FBXO25: variants seen among roughly 807,000 people sequenced by gnomAD.
FBXO25 encodes F-box only protein 25.
A neutral mutation model predicts 51.9 loss-of-function variants in FBXO25; 45 were observed. That is an observed-to-expected ratio of 0.87 (90% CI 0.68 to 1.11). The LOEUF is 1.11. Among genes scored for constraint, FBXO25 ranks in the 50% most tolerant of loss-of-function variants. The pLI, the probability that FBXO25 is intolerant of heterozygous loss-of-function variation, is 0.00. For missense variants in FBXO25, 507 were observed against 428.5 expected (o/e 1.18, Z -1.62); for synonymous variants, 199 against 151.0 (o/e 1.32, Z -2.33).
At chr8:435,758 A>G in intron 5 of FBXO25, 51 bp downstream of exon 5, 10 of 1,555,772 alleles carry the variant, frequency 6.4e-6, no homozygotes, top group Non-Finnish European at 8.7e-6. Context: ...GAACAACTAT[A>G]TTTTGAAGAT....
intron 5 of FBXO25, among the ~76,000 whole-genome samples, chr8:439,151 A>G (rs571669753): frequency 6.6e-6 from 1 of 152,216 alleles, no homozygotes; most frequent in Admixed American, 6.5e-5. Flanking sequence ...CTGATCCTAT[A>G]GGTTAATGTG....
intron 2 of FBXO25, among the ~76,000 whole-genome samples, chr8:428,030 A>G (rs561780149): frequency 6.6e-6 from 1 of 152,350 alleles, no homozygotes; most frequent in East Asian, 1.9e-4. Flanking sequence ...ATTATAGGTC[A>G]TCACTAAAAT....
Position 474,355 on chromosome 8 carries a change from G to A in FBXO25, c.*5551G>A, listed in dbSNP as rs1800580455. On this transcript the variant is annotated 3_prime_UTR_variant, in exon 10 of 10. Coordinates refer to ENST00000350302, the MANE Select transcript of FBXO25 (RefSeq NM_183420.2). ...GTACTCATCTGTTGAGGACACTTGA[G>A]TTGCTTCCACCTTTTAGCTATTGTG... The A allele has an allele frequency of 4.0e-6, 1 of 253,146 alleles. No individual in the cohort carries two copies. The highest frequency in any genetic ancestry group is 7.6e-6 in the Non-Finnish European group (1 of 131,264). The allele number at this position is 253,146 out of a possible 1,614,324, so 15.7% of individuals were successfully genotyped here. A position where few individuals can be genotyped will look rare whatever the true frequency, so the allele number is the denominator to read the frequency against.
At position 475,478 on chromosome 8, in the gene FBXO25, T is replaced by C. The variant is rs1472875325; in HGVS notation, c.*6674T>C. The stretch of plus-strand genomic sequence containing the variant: ...TGGAAAAAAAAAAGCCACTGGGATA[T>C]TCTGATAGAGATTGCATGAAATCTA... On this transcript the variant is annotated 3_prime_UTR_variant, in exon 10 of 10. Coordinates refer to ENST00000350302, the MANE Select transcript of FBXO25 (RefSeq NM_183420.2). 1.3e-5 allele frequency: 2 copies of C among 153,508 alleles called. No homozygotes were observed. Among genetic ancestry groups the C allele is most frequent in the African/African-American group, 2.4e-5 (1 of 41,444 alleles). The allele number at this position is 153,508 out of a possible 1,614,324, so 9.5% of individuals were successfully genotyped here.
rs889074639 is a variant in FBXO25, at chr8:477,959, A to G, written c.*9155A>G. 2.0e-5 allele frequency: 3 copies of G among 152,220 alleles called. No individual in the cohort carries two copies. Among genetic ancestry groups the G allele is most frequent in the Non-Finnish European group, 2.9e-5 (2 of 68,032 alleles). The allele number at this position is 152,220 out of a possible 1,614,324, so 9.4% of individuals were successfully genotyped here. A position where few individuals can be genotyped will look rare whatever the true frequency, so the allele number is the denominator to read the frequency against. Reference sequence around the variant, plus strand: ...TTTGACATTTTCCATTAAAAGTTATATAACACTACTTTTTTGTACTCGTTA... The same window carrying G: ...TTTGACATTTTCCATTAAAAGTTATGTAACACTACTTTTTTGTACTCGTTA... On this transcript the variant is annotated 3_prime_UTR_variant, in exon 10 of 10. Coordinates refer to ENST00000350302, the MANE Select transcript of FBXO25 (RefSeq NM_183420.2).
In FBXO25 at chr8:474,463, G is replaced by C; in HGVS notation, c.*5659G>C. 1 of 307,028 alleles carries C rather than the reference G, an allele frequency of 3.3e-6. No individual in the cohort carries two copies. The highest frequency in any genetic ancestry group is 6.3e-6 in the Non-Finnish European group (1 of 159,194). The allele number at this position is 307,028 out of a possible 1,614,324, so 19.0% of individuals were successfully genotyped here. A position where few individuals can be genotyped will look rare whatever the true frequency, so the allele number is the denominator to read the frequency against. On this transcript the variant is annotated 3_prime_UTR_variant, in exon 10 of 10. Transcript: ENST00000350302. ...TGGCAATCCTATGTTTAATTTCTTA[G>C]GGCACTGCCATAAGTGTTTTACACG...
intron 3 of FBXO25, among the ~76,000 whole-genome samples, chr8:432,631 A>G (rs1797881786): frequency 6.6e-6 from 1 of 152,188 alleles, no homozygotes; most frequent in South Asian, 2.1e-4. Context: ...ATGTCTTCAT[A>G]TGGCTTCAGT....
At chr8:436,064 G>C (rs1354702427) in intron 5 of FBXO25, among the ~76,000 whole-genome samples, 2 of 152,218 alleles carry the variant, frequency 1.3e-5, no homozygotes, top group Non-Finnish European at 2.9e-5. Flanking sequence ...TTTCACAAAT[G>C]TTTTCTGCTT....
chr8:429,747 A>T (rs1184542422), intron 2 of FBXO25, among the ~76,000 whole-genome samples: 1 of 152,234 alleles, frequency 6.6e-6, no homozygotes, highest in Non-Finnish European at 1.5e-5. Context: ...CAAGTCTGAC[A>T]TAGACTCCCC....
Position 472,591 on chromosome 8 carries a change from C to G in FBXO25, c.*3787C>G, listed in dbSNP as rs1169577377. 2.0e-5 allele frequency: 3 copies of G among 151,794 alleles called. No individual in the cohort carries two copies. Among genetic ancestry groups the G allele is most frequent in the South Asian group, 2.1e-4 (1 of 4,784 alleles). The allele number at this position is 151,794 out of a possible 1,614,324, so 9.4% of individuals were successfully genotyped here. On this transcript the variant is annotated 3_prime_UTR_variant, in exon 10 of 10. Coordinates refer to ENST00000350302, the MANE Select transcript of FBXO25 (RefSeq NM_183420.2). ...ATAGGATAAGCTTAGAAAGTGTTCC[C>G]TCTTCTGTGTTTTGGAAGTGTTTGT...
rs1413051316 is a variant in FBXO25, at chr8:474,938, G to A, written c.*6134G>A. On this transcript the variant is annotated 3_prime_UTR_variant, in exon 10 of 10. Transcript: ENST00000350302. ...TTTAAAATACTTTGTCCCATTCCGT[G>A]GATTGCCTTTCACTCTGTTTTGTTC... 3 of 449,478 alleles carry A rather than the reference G, an allele frequency of 6.7e-6. No homozygotes were observed. The East Asian group carries it at 2.1e-4, about 32-fold the overall frequency. 27.8% of individuals were successfully genotyped at this position (449,478 alleles called of 1,614,324 possible). A position where few individuals can be genotyped will look rare whatever the true frequency, so the allele number is the denominator to read the frequency against.
chr8:454,887 T>C (rs1161230266), intron 7 of FBXO25, among the ~76,000 whole-genome samples: 3 of 48,854 alleles, frequency 6.1e-5, no homozygotes, highest in Non-Finnish European at 1.1e-4. Flanking sequence ...GGAGACTCCA[T>C]CTCAAAAAAA....
At chr8:421,106 C>G (rs1476891510) in intron 2 of FBXO25, among the ~76,000 whole-genome samples, 2 of 152,248 alleles carry the variant, frequency 1.3e-5, no homozygotes, top group African/African-American at 4.8e-5. Context: ...GCATTACTGC[C>G]TGAGCTCTGC....
At chr8:445,199 G>T (rs1798664047) in intron 5 of FBXO25, among the ~76,000 whole-genome samples, 2 of 152,166 alleles carry the variant, frequency 1.3e-5, no homozygotes. Context: ...GTAGTCCTCT[G>T]TGGGTAACTA....
chr8:433,599 A>G (rs1797942180), intron 4 of FBXO25, among the ~76,000 whole-genome samples: 1 of 152,180 alleles, frequency 6.6e-6, no homozygotes, highest in Non-Finnish European at 1.5e-5. Flanking sequence ...CATAAAACAA[A>G]CGAGAGAGCT....
At chr8:462,861 G>T (rs1269034581) in intron 8 of FBXO25, 146 bp from the exon 9 acceptor site, 2 of 907,350 alleles carry the variant, frequency 2.2e-6, no homozygotes, top group African/African-American at 3.4e-5. Flanking sequence ...ATTCATCCAT[G>T]TAACCAAAAC....
chr8:427,892 T>C (rs574564424), intron 2 of FBXO25, among the ~76,000 whole-genome samples: 14 of 152,016 alleles, frequency 9.2e-5, no homozygotes, highest in South Asian at 2.1e-4. Context: ...GATTTGAAGA[T>C]GATGGCCCAT....
intron 4 of FBXO25, among the ~76,000 whole-genome samples, chr8:434,328 G>A (rs748510588): frequency 6.6e-6 from 1 of 152,298 alleles, no homozygotes; most frequent in East Asian, 1.9e-4. Context: ...TGTAAGATGG[G>A]TGGTGACCTT....
chr8:442,054 T>C (rs1401063647), intron 5 of FBXO25, among the ~76,000 whole-genome samples: 2 of 152,150 alleles, frequency 1.3e-5, no homozygotes, highest in Non-Finnish European at 2.9e-5. Context: ...AAAAGGGCTG[T>C]TTTTAAAATT....
Sources: gnomAD v4.1 joint callset for allele counts (sites outside exome capture counted in the v4.1 genomes callset) on GRCh38, gnomAD v4.1.1 for gene constraint, MANE v1.5 for transcripts, NCBI Gene and HGNC (gene_info 2026-07-23, HGNC 2026-07-21) for gene names.